The following CSMD1 variants were observed in gnomAD, a reference collection of about 807,000 sequenced individuals.
The protein encoded by CSMD1 is CUB and Sushi multiple domains 1.
Under a neutral mutation model 417.5 loss-of-function variants are expected in CSMD1, and 213 were observed. That is an observed-to-expected ratio of 0.51 (90% CI 0.46 to 0.57). The LOEUF is 0.57. CSMD1 is among the 20% of genes least tolerant of loss of function. CSMD1 has a pLI of 0.00. For missense variants in CSMD1, 6,923 were observed against 4,529.7 expected (o/e 1.53, Z -15.17); for synonymous variants, 2,862 against 1,736.8 (o/e 1.65, Z -16.11).
chr8:4,543,961 C>G (rs1191179686), intron 2 of CSMD1, among the ~76,000 whole-genome samples: 1 of 152,070 alleles, frequency 6.6e-6, no homozygotes, highest in African/African-American at 2.4e-5. Flanking sequence ...AGGTCTTTAG[C>G]CCATTTATTA....
At chr8:4,294,248 T>C (rs575110269) in intron 3 of CSMD1, among the ~76,000 whole-genome samples, 9 of 152,188 alleles carry the variant, frequency 5.9e-5, no homozygotes, top group South Asian at 2.1e-4. Context: ...TGATAGCATA[T>C]AGATCGTGTG....
In CSMD1 at chr8:3,359,343, G is replaced by A; in HGVS notation, c.3116-3C>T. 2 of 1,611,682 alleles carry A rather than the reference G, an allele frequency of 1.2e-6. No homozygotes were observed. The highest frequency in any genetic ancestry group is 1.1e-5 in the South Asian group (1 of 90,976). On this transcript the variant is annotated splice_region_variant and splice_polypyrimidine_tract_variant and intron_variant, in intron 20 of 69. Transcript: ENST00000635120. Reference sequence around the variant, plus strand: ...ATCACATGGCTCCAGGTCATATTCTGAGGCATGCAGAGACAGAGTAAATGC... The same window carrying A: ...ATCACATGGCTCCAGGTCATATTCTAAGGCATGCAGAGACAGAGTAAATGC...
intron 8 of CSMD1, among the ~76,000 whole-genome samples, chr8:3,609,760 C>T: frequency 6.8e-6 from 1 of 146,354 alleles, no homozygotes. Context: ...AACCGAATTA[C>T]CTTTCATTAA....
chr8:4,356,648 G>A (rs1048361392), intron 3 of CSMD1, among the ~76,000 whole-genome samples: 2 of 152,214 alleles, frequency 1.3e-5, no homozygotes, highest in Non-Finnish European at 2.9e-5. Flanking sequence ...TCCTGCGAAG[G>A]TAGTTCACAT....
intron 7 of CSMD1, among the ~76,000 whole-genome samples, chr8:3,652,793 C>A (rs1363370766): frequency 1.3e-5 from 2 of 152,118 alleles, no homozygotes; most frequent in Non-Finnish European, 1.5e-5. Context: ...CAAACATATA[C>A]CTGGAATATA....
intron 2 of CSMD1, among the ~76,000 whole-genome samples, chr8:4,446,399 G>C (rs2129757252): frequency 6.6e-6 from 1 of 152,174 alleles, no homozygotes; most frequent in African/African-American, 2.4e-5. Context: ...ACAAACAAAA[G>C]TAGCCATGGG....
intron 1 of CSMD1, among the ~76,000 whole-genome samples, chr8:4,925,999 T>C (rs1806843947): frequency 6.6e-6 from 1 of 152,216 alleles, no homozygotes; most frequent in Admixed American, 6.5e-5. Context: ...TCTTTCCAGG[T>C]TATATTTAAT....
intron 7 of CSMD1, among the ~76,000 whole-genome samples, chr8:3,665,620 C>G (rs922033945): frequency 4.6e-5 from 7 of 152,130 alleles, no homozygotes; most frequent in African/African-American, 1.7e-4. Context: ...CAGTAGGGTT[C>G]TAAATAATCC....
intron 21 of CSMD1, among the ~76,000 whole-genome samples, chr8:3,352,873 A>G (rs1808508372): frequency 6.6e-6 from 1 of 152,152 alleles, no homozygotes; most frequent in Non-Finnish European, 1.5e-5. Flanking sequence ...CAAACAAACA[A>G]AAAACACGAA....
intron 3 of CSMD1, among the ~76,000 whole-genome samples, chr8:4,316,417 C>G (rs1055483634): frequency 2.0e-5 from 3 of 152,120 alleles, no homozygotes; most frequent in Non-Finnish European, 4.4e-5. Context: ...ACAATTTCTT[C>G]ATATATTAGG....
At chr8:3,793,400 T>C (rs1799859985) in intron 5 of CSMD1, among the ~76,000 whole-genome samples, 2 of 152,186 alleles carry the variant, frequency 1.3e-5, no homozygotes, top group African/African-American at 4.8e-5. Flanking sequence ...ATATTTTTCC[T>C]TGCCTACTTT....
intron 2 of CSMD1, among the ~76,000 whole-genome samples, chr8:4,450,019 G>C (rs1260989030): frequency 6.6e-6 from 1 of 152,138 alleles, no homozygotes; most frequent in African/African-American, 2.4e-5. Context: ...GCTATGGCCT[G>C]GGTGTCCTGT....
At chr8:4,784,111 G>C (rs974213153) in intron 1 of CSMD1, among the ~76,000 whole-genome samples, 1 of 152,192 alleles carries the variant, frequency 6.6e-6, no homozygotes. Flanking sequence ...ACATTTATTA[G>C]AAGATAGCCA....
intron 2 of CSMD1, among the ~76,000 whole-genome samples, chr8:4,606,728 C>A (rs80213552): frequency 0.024 from 3,624 of 152,200 alleles, 70 homozygotes; most frequent in African/African-American, 0.056. Flanking sequence ...TTGATAAAGA[C>A]CTTTTTCTAA....
intron 1 of CSMD1, among the ~76,000 whole-genome samples, chr8:4,870,901 C>G (rs1471694636): frequency 6.6e-6 from 1 of 152,128 alleles, no homozygotes; most frequent in Non-Finnish European, 1.5e-5. Context: ...CTTTGGGCTT[C>G]AACCATGGAG....
At chr8:4,960,781 G>C (rs909680630) in intron 1 of CSMD1, among the ~76,000 whole-genome samples, 1 of 152,034 alleles carries the variant, frequency 6.6e-6, no homozygotes, top group African/African-American at 2.4e-5. Context: ...ATCTAAGCAA[G>C]AACAGATGAT....
intron 3 of CSMD1, among the ~76,000 whole-genome samples, chr8:4,348,879 G>T (rs1800928469): frequency 6.6e-6 from 1 of 152,058 alleles, no homozygotes; most frequent in African/African-American, 2.4e-5. Flanking sequence ...CATGTCTGTT[G>T]CTCTGATTGA....
chr8:3,801,790 C>T (rs1420754060), intron 5 of CSMD1, among the ~76,000 whole-genome samples: 4 of 152,146 alleles, frequency 2.6e-5, no homozygotes, highest in South Asian at 2.1e-4. Flanking sequence ...TTTTACGGGT[C>T]ATTAAAAATC....
intron 1 of CSMD1, among the ~76,000 whole-genome samples, chr8:4,812,417 G>C (rs183730487): frequency 5.2e-4 from 79 of 152,264 alleles, no homozygotes; most frequent in African/African-American, 1.7e-3. Flanking sequence ...TAGTGACTTT[G>C]TCAATTTCTA....
Sources: allele counts gnomAD v4.1 joint callset (sites outside exome capture counted in the v4.1 genomes callset), GRCh38; gene constraint gnomAD v4.1.1; transcripts MANE v1.5; gene names NCBI Gene and HGNC (gene_info 2026-07-23, HGNC 2026-07-21).